Variants in PRKD3 observed in about 807,000 individuals in gnomAD.
PRKD3 encodes protein kinase D3, also known as serine/threonine-protein kinase D3.
PRKD3 carries 47 observed loss-of-function variants against 99.2 expected under a neutral mutation model. The ratio of observed to expected loss-of-function variants is 0.47; its 90% confidence interval spans 0.38 to 0.60. PRKD3 has a LOEUF of 0.60. Among genes scored for constraint, PRKD3 ranks in the 20% least tolerant of loss-of-function variants. The pLI is 0.00. For missense variants in PRKD3, 1,019 were observed against 1,088.4 expected (o/e 0.94, Z 0.90); for synonymous variants, 392 against 355.4 (o/e 1.10, Z -1.16).
At chr2:37,297,549 T>C (rs904538695) in intron 2 of PRKD3, among the ~76,000 whole-genome samples, 1 of 152,204 alleles carries the variant, frequency 6.6e-6, no homozygotes, top group Admixed American at 6.5e-5. Flanking sequence ...TAATACCCTT[T>C]TTCTGTTTAA....
chr2:37,276,367 G>GAA (rs1001093524), intron 9 of PRKD3, among the ~76,000 whole-genome samples: 5 of 151,954 alleles, frequency 3.3e-5, no homozygotes, highest in Admixed American at 2.6e-4. Flanking sequence ...TTGCTATACT[G>GAA]AAAAATAAAC....
chr2:37,309,308 T>C (rs1671311602), intron 2 of PRKD3, among the ~76,000 whole-genome samples: 1 of 152,232 alleles, frequency 6.6e-6, no homozygotes, highest in Admixed American at 6.5e-5. Context: ...AAAGATCTTA[T>C]ACAATGTCAC....
At chr2:37,308,640 A>C (rs1283326410) in intron 2 of PRKD3, among the ~76,000 whole-genome samples, 1 of 151,952 alleles carries the variant, frequency 6.6e-6, no homozygotes, top group Non-Finnish European at 1.5e-5. Flanking sequence ...TTTTTAGTAG[A>C]GACAGGCTTT....
At chr2:37,321,731 T>C (rs968155752) in intron 1 of PRKD3, among the ~76,000 whole-genome samples, 1 of 152,158 alleles carries the variant, frequency 6.6e-6, no homozygotes, top group Non-Finnish European at 1.5e-5. Context: ...AGAGGTGATA[T>C]GGCAGAGTAT....
At position 37,269,349 on chromosome 2, in the gene PRKD3, G is replaced by A. The variant is rs976756882; in HGVS notation, c.1777+266C>T. The A allele has an allele frequency of 5.8e-5, 24 of 412,726 alleles. No homozygotes were observed. In the Admixed American group the frequency reaches 8.4e-4, roughly 14 times the overall value. The allele number at this position is 412,726 out of a possible 1,614,324, so 25.6% of individuals were successfully genotyped here. A position where few individuals can be genotyped will look rare whatever the true frequency, so the allele number is the denominator to read the frequency against. ...TCAAACCATCTCCCCCCCTGCCTCC[G>A]ACAAACATCTGTATGTGTGAGCTAC... is the stretch of plus-strand genomic sequence containing the variant. On this transcript the variant is annotated intron_variant, in intron 13 of 18. Transcript: ENST00000234179.
Position 37,316,976 on chromosome 2 carries a change from AC to A in PRKD3, c.-453del, listed in dbSNP as rs1223979763. The A allele has an allele frequency of 3.0e-6, 3 of 988,908 alleles. No homozygotes were observed. The highest frequency in any genetic ancestry group is 3.6e-6 in the Non-Finnish European group (3 of 832,364). 61.3% of individuals were successfully genotyped at this position (988,908 alleles called of 1,614,324 possible). On this transcript the variant is annotated 5_prime_UTR_variant, in exon 2 of 19. Transcript: ENST00000234179. ...AGTGTTTTGGATTAATCTATTCAGT[AC>A]TTTTCCTTTGGTTTACTAATTTGAT... is the stretch of plus-strand genomic sequence containing the variant.
Position 37,272,450 on chromosome 2 carries a change from G to A in PRKD3, c.1652-18C>T. On this transcript the variant is annotated intron_variant, in intron 11 of 18. Coordinates refer to ENST00000234179, the MANE Select transcript of PRKD3 (RefSeq NM_005813.6). ...CAAATCTTCTGTAAAATATAAAAAAGACAAAATTTAGTATATGACAATATT... is the reference window on the plus strand; with the variant it reads ...CAAATCTTCTGTAAAATATAAAAAAAACAAAATTTAGTATATGACAATATT... 1 of 1,594,284 alleles carries A rather than the reference G, an allele frequency of 6.3e-7. No individual in the cohort carries two copies.
At chr2:37,273,963 T>A (rs1376837768) in intron 11 of PRKD3, among the ~76,000 whole-genome samples, 1 of 152,216 alleles carries the variant, frequency 6.6e-6, no homozygotes, top group Non-Finnish European at 1.5e-5. Flanking sequence ...ATTTCATGAG[T>A]GTGATGTGAA....
intron 4 of PRKD3, among the ~76,000 whole-genome samples, chr2:37,290,575 G>A (rs1670364978): frequency 6.6e-6 from 1 of 152,136 alleles, no homozygotes; most frequent in African/African-American, 2.4e-5. Context: ...AATATTTATG[G>A]AGCCATTATT....
In PRKD3 at chr2:37,316,478, G is replaced by A. The variant is rs764055131; in HGVS notation, c.47C>T (p.Pro16Leu). 6.2e-7 allele frequency: 1 copy of A among 1,614,132 alleles called. No homozygotes were observed. Among genetic ancestry groups the A allele is most frequent in the Admixed American group, 1.7e-5 (1 of 60,034 alleles). Residue 16 changes from proline (P) to leucine (L), a missense_variant, in exon 2 of 19, where the codon CCC becomes CTC. Transcript: ENST00000234179. ...TGGAAGCACAGCAGGAATAGCTGTG[G>A]GTAATACAGACTTCTGGGCTGATGG... is the stretch of plus-strand genomic sequence containing the variant. ...SPPSAQKSVL[P>L]TAIPAVLPAA...
intron 2 of PRKD3, among the ~76,000 whole-genome samples, chr2:37,301,359 A>G (rs946350771): frequency 6.7e-6 from 1 of 149,542 alleles, no homozygotes; most frequent in African/African-American, 2.6e-5. Context: ...AACAAAGGAG[A>G]AGAGCCTTTT....
intron 5 of PRKD3, among the ~76,000 whole-genome samples, chr2:37,287,612 G>C (rs1302282799): frequency 6.6e-6 from 1 of 152,112 alleles, no homozygotes; most frequent in Non-Finnish European, 1.5e-5. Context: ...GATGGTAGTT[G>C]GGTATTAGGA....
At chr2:37,266,793 G>A (rs552684657) in intron 14 of PRKD3, among the ~76,000 whole-genome samples, 8 of 152,134 alleles carry the variant, frequency 5.3e-5, no homozygotes, top group Non-Finnish European at 5.9e-5. Context: ...TGGCCAGAAT[G>A]AGCTATTATA....
chr2:37,307,910 C>G (rs1671232937), intron 2 of PRKD3, among the ~76,000 whole-genome samples: 1 of 151,502 alleles, frequency 6.6e-6, no homozygotes, highest in Non-Finnish European at 1.5e-5. Context: ...TTGTGATATT[C>G]TTGTTAGAAT....
chr2:37,288,524 AAAT>A (rs745722824), intron 5 of PRKD3, among the ~76,000 whole-genome samples: 13 of 152,204 alleles, frequency 8.5e-5, no homozygotes, highest in Non-Finnish European at 1.5e-4. Context: ...AGAAAAAACT[AAAT>A]AATAAGATTA....
chr2:37,293,308 T>C (rs1435777193), intron 2 of PRKD3, 37 bp from the exon 3 acceptor site: 1 of 1,480,848 alleles, frequency 6.8e-7, no homozygotes. Context: ...ATGACCACAG[T>C]TTTCTATTTT....
In PRKD3 at chr2:37,251,109, G is replaced by T. The variant is rs537705911; in HGVS notation, c.*2068C>A. On this transcript the variant is annotated 3_prime_UTR_variant, in exon 19 of 19. Coordinates refer to ENST00000234179, the MANE Select transcript of PRKD3 (RefSeq NM_005813.6). ...AGTAGATTGATTGCCTAGTGACTCA[G>T]AATTATTCCATTTTGTGTGTGTTGA... 6.5e-6 allele frequency: 1 copy of T among 152,678 alleles called. No individual in the cohort carries two copies. The highest frequency in any genetic ancestry group is 1.9e-4 in the East Asian group (1 of 5,182). The allele number at this position is 152,678 out of a possible 1,614,324, so 9.5% of individuals were successfully genotyped here.
chr2:37,277,324 T>G (rs976023925), intron 9 of PRKD3, among the ~76,000 whole-genome samples: 1 of 152,192 alleles, frequency 6.6e-6, no homozygotes, highest in South Asian at 2.1e-4. Context: ...CAAGTTCATA[T>G]AGTTTTATAG....
At chr2:37,290,816 T>C (rs557413054) in intron 4 of PRKD3, 52 bp downstream of exon 4, 7 of 1,502,882 alleles carry the variant, frequency 4.7e-6, no homozygotes, top group East Asian at 2.3e-5. Flanking sequence ...TAATAAAAAA[T>C]GCAAATGTGG....
Sources: gnomAD v4.1 joint callset for allele counts (sites outside exome capture counted in the v4.1 genomes callset) on GRCh38, gnomAD v4.1.1 for gene constraint, MANE v1.5 for transcripts, NCBI Gene and HGNC (gene_info 2026-07-23, HGNC 2026-07-21) for gene names.